TBC1D5: variants seen among roughly 807,000 people sequenced by gnomAD.
TBC1D5 encodes TBC1 domain family, member 5.
A neutral mutation model predicts 100.3 loss-of-function variants in TBC1D5; 75 were observed. The observed-to-expected ratio is 0.75, with a 90% confidence interval of 0.62 to 0.91. The LOEUF (loss-of-function observed/expected upper bound fraction) is 0.91, where lower values mean the gene tolerates loss of function less well. TBC1D5 is among the 40% of genes least tolerant of loss of function. The probability of loss-of-function intolerance (pLI) is 0.00; values close to 1 mark genes in which losing one functional copy is unlikely to be tolerated. For missense variants in TBC1D5, 910 were observed against 942.4 expected (o/e 0.97, Z 0.45); for synonymous variants, 323 against 325.6 (o/e 0.99, Z 0.09).
chr3:17,691,736 G>T (rs1203018505), intron 1 of TBC1D5, among the ~76,000 whole-genome samples: 1 of 151,502 alleles, frequency 6.6e-6, no homozygotes, highest in Non-Finnish European at 1.5e-5. Flanking sequence ...AGAATCACTT[G>T]AACCCGTGAG....
intron 3 of TBC1D5, among the ~76,000 whole-genome samples, chr3:17,452,286 C>A (rs879480089): frequency 6.6e-6 from 1 of 151,962 alleles, no homozygotes. Context: ...AACAAAATGG[C>A]AGGGGTAAGT....
At chr3:17,201,840 T>C (rs1188382973) in intron 18 of TBC1D5, among the ~76,000 whole-genome samples, 1 of 152,198 alleles carries the variant, frequency 6.6e-6, no homozygotes, top group Non-Finnish European at 1.5e-5. Flanking sequence ...TTTGAGCCAA[T>C]TAAATCTTTT....
chr3:17,532,467 C>G (rs1215403101), intron 2 of TBC1D5, among the ~76,000 whole-genome samples: 1 of 152,086 alleles, frequency 6.6e-6, no homozygotes, highest in Non-Finnish European at 1.5e-5. Context: ...ACCATTTGAC[C>G]CAGCCATCCC....
At chr3:17,529,992 C>G (rs2096197640) in intron 2 of TBC1D5, among the ~76,000 whole-genome samples, 1 of 151,870 alleles carries the variant, frequency 6.6e-6, no homozygotes, top group Non-Finnish European at 1.5e-5. Flanking sequence ...ACCTGTAATC[C>G]CAGCATTTTG....
At chr3:17,224,008 G>A (rs2074576469) in intron 17 of TBC1D5, among the ~76,000 whole-genome samples, 1 of 152,084 alleles carries the variant, frequency 6.6e-6, no homozygotes, top group Admixed American at 6.5e-5. Flanking sequence ...ATGACTCCAA[G>A]GAATTATTAT....
exon 22 of TBC1D5, chr3:17,160,762 G>C (rs775339385): frequency 3.1e-6 from 2 of 653,020 alleles, no homozygotes; most frequent in African/African-American, 3.6e-5. Context: ...AGCCCTGTCT[G>C]CATGTGGCAA....
chr3:17,500,438 T>G (rs113396025), intron 3 of TBC1D5, among the ~76,000 whole-genome samples: 2 of 149,820 alleles, frequency 1.3e-5, no homozygotes, highest in Non-Finnish European at 2.9e-5. Flanking sequence ...TGTTCATCAT[T>G]GATATTTAAT....
chr3:17,741,024 C>T (rs896065442), upstream of TBC1D5: 1 of 151,772 alleles, frequency 6.6e-6, no homozygotes, highest in Non-Finnish European at 1.5e-5. Flanking sequence ...CCCCTTCTCC[C>T]AAGCCACCTC....
At chr3:17,606,948 A>C (rs754018719) in intron 2 of TBC1D5, among the ~76,000 whole-genome samples, 4 of 152,216 alleles carry the variant, frequency 2.6e-5, no homozygotes, top group Non-Finnish European at 4.4e-5. Context: ...GAAATGGCTT[A>C]ATCAAATTCC....
At chr3:17,350,685 G>A (rs915615906) in intron 13 of TBC1D5, among the ~76,000 whole-genome samples, 11 of 152,082 alleles carry the variant, frequency 7.2e-5, no homozygotes, top group African/African-American at 2.7e-4. Context: ...CTTAAATAAA[G>A]TTCCTTTCAA....
chr3:17,681,818 A>G (rs1275321719), intron 1 of TBC1D5, among the ~76,000 whole-genome samples: 1 of 151,608 alleles, frequency 6.6e-6, no homozygotes, highest in Non-Finnish European at 1.5e-5. Flanking sequence ...GTGGCAGACC[A>G]GCCAGCAAAG....
At chr3:17,658,372 G>A (rs1339439420) in intron 1 of TBC1D5, among the ~76,000 whole-genome samples, 2 of 152,178 alleles carry the variant, frequency 1.3e-5, no homozygotes, top group Non-Finnish European at 2.9e-5. Context: ...AAATCCAGTA[G>A]AAGGGAGTTA....
At chr3:17,684,091 CT>C (rs996707007) in intron 1 of TBC1D5, among the ~76,000 whole-genome samples, 1 of 150,020 alleles carries the variant, frequency 6.7e-6, no homozygotes, top group East Asian at 2.0e-4. Context: ...TTCTTTCTTT[CT>C]TTTTTTTTCA....
At chr3:17,497,073 TTCTC>T (rs1289759393) in intron 3 of TBC1D5, among the ~76,000 whole-genome samples, 15 of 85,234 alleles carry the variant, frequency 1.8e-4, no homozygotes, top group African/African-American at 4.4e-4. Context: ...CTCTCTTTCT[TTCTC>T]TCTCTCTCTG....
At chr3:17,313,494 T>C (rs2084289394) in intron 13 of TBC1D5, among the ~76,000 whole-genome samples, 1 of 152,186 alleles carries the variant, frequency 6.6e-6, no homozygotes, top group Admixed American at 6.5e-5. Context: ...TAAAATTGCA[T>C]ATAGAGATTT....
chr3:17,528,422 T>C (rs780306753), intron 2 of TBC1D5, among the ~76,000 whole-genome samples: 4 of 152,176 alleles, frequency 2.6e-5, no homozygotes, highest in Non-Finnish European at 4.4e-5. Flanking sequence ...GGTACCATCT[T>C]GGAAGCAGAG....
At chr3:17,593,442 G>A (rs2060361182) in intron 2 of TBC1D5, among the ~76,000 whole-genome samples, 2 of 152,180 alleles carry the variant, frequency 1.3e-5, no homozygotes, top group Admixed American at 1.3e-4. Flanking sequence ...GACCAACACT[G>A]AGCCCTCGAT....
At chr3:17,714,827 C>A (rs369947867) in intron 1 of TBC1D5, among the ~76,000 whole-genome samples, 4 of 152,072 alleles carry the variant, frequency 2.6e-5, no homozygotes, top group East Asian at 1.9e-4. Context: ...TGTACTGTTA[C>A]AACCTGACTC....
intron 1 of TBC1D5, chr3:17,706,297 A>AC: frequency 7.8e-6 from 12 of 1,530,996 alleles, no homozygotes; most frequent in Non-Finnish European, 1.1e-5. Context: ...AGAGGGTCTC[A>AC]CCTTTTCTGT....
Sources: gnomAD v4.1 joint callset for allele counts (sites outside exome capture counted in the v4.1 genomes callset) on GRCh38, gnomAD v4.1.1 for gene constraint, MANE v1.5 for transcripts, NCBI Gene and HGNC (gene_info 2026-07-23, HGNC 2026-07-21) for gene names.